The following MTCL2 variants were observed in gnomAD, a reference collection of about 807,000 sequenced individuals.
The protein encoded by MTCL2 is microtubule cross-linking factor 2.
the MTCL2 span, chr20:36,808,464 C>A: frequency 6.6e-7 from 1 of 1,508,350 alleles, no homozygotes; most frequent in Non-Finnish European, 9.0e-7. Flanking sequence ...TTCCCTGTCC[C>A]TCTCTCCCCA....
chr20:36,856,820 T>C, the MTCL2 span, among the ~76,000 whole-genome samples: 1 of 152,248 alleles, frequency 6.6e-6, no homozygotes, highest in East Asian at 1.9e-4. Flanking sequence ...TGTTTCTGTG[T>C]GTGGATGAAA....
chr20:36,794,193 C>G, the MTCL2 span: 1 of 1,547,634 alleles, frequency 6.5e-7, no homozygotes. The surrounding 1 kb of genome is among the most constrained non-coding windows in gnomAD (Gnocchi z 5.4). Context: ...GAGCTCTCAG[C>G]CAGCCCATCA....
chr20:36,830,302 C>T, the MTCL2 span, among the ~76,000 whole-genome samples: 1 of 152,132 alleles, frequency 6.6e-6, no homozygotes, highest in Non-Finnish European at 1.5e-5. Flanking sequence ...CACGGTAGCT[C>T]ACACCTGGAA....
At chr20:36,808,388 G>T in the MTCL2 span, 2 of 741,844 alleles carry the variant, frequency 2.7e-6, no homozygotes, top group Non-Finnish European at 2.2e-6. Flanking sequence ...AATGCAGGAA[G>T]GAAGCCTGCA....
the MTCL2 span, among the ~76,000 whole-genome samples, chr20:36,821,743 G>A: frequency 6.6e-6 from 1 of 151,996 alleles, no homozygotes; most frequent in African/African-American, 2.4e-5. Context: ...GCATATTCAC[G>A]TTTACATTTA....
At chr20:36,793,644 G>A in the MTCL2 span, 1 of 1,551,074 alleles carries the variant, frequency 6.4e-7, no homozygotes, top group Non-Finnish European at 8.7e-7. This position sits in a 1 kb window ranked among gnomAD's most constrained non-coding sequence, Gnocchi z 6.8. Flanking sequence ...GGGCTGTCCC[G>A]CGTGGTGGTG....
At chr20:36,826,019 T>C in the MTCL2 span, among the ~76,000 whole-genome samples, 1 of 151,182 alleles carries the variant, frequency 6.6e-6, no homozygotes, top group Admixed American at 6.6e-5. Flanking sequence ...TTTTTTTTTT[T>C]TCTTTGAGAC....
At chr20:36,827,141 C>T in the MTCL2 span, among the ~76,000 whole-genome samples, 33 of 151,786 alleles carry the variant, frequency 2.2e-4, 1 homozygote, top group Non-Finnish European at 4.3e-4. Flanking sequence ...CTCCACCTCC[C>T]AGGTTCAAGA....
At chr20:36,814,107 CCT>C in the MTCL2 span, among the ~76,000 whole-genome samples, 1 of 152,166 alleles carries the variant, frequency 6.6e-6, no homozygotes, top group African/African-American at 2.4e-5. Flanking sequence ...CCTTCAGATT[CCT>C]CTCTCAGTGT....
At chr20:36,796,242 G>T in the MTCL2 span, among the ~76,000 whole-genome samples, 13 of 152,250 alleles carry the variant, frequency 8.5e-5, no homozygotes, top group Non-Finnish European at 1.5e-4. Context: ...TCAAGAGGCA[G>T]CTCCTATCAT....
chr20:36,862,643 C>T, the MTCL2 span: 1 of 1,490,408 alleles, frequency 6.7e-7, no homozygotes, highest in Non-Finnish European at 8.9e-7. Context: ...TCCCTTTCTA[C>T]CCGGGCGCCC....
At chr20:36,832,410 T>TG in the MTCL2 span, among the ~76,000 whole-genome samples, 3 of 152,210 alleles carry the variant, frequency 2.0e-5, no homozygotes. Flanking sequence ...CTGGATCCTC[T>TG]GGGGTTCATG....
At chr20:36,816,466 G>C in the MTCL2 span, among the ~76,000 whole-genome samples, 1 of 151,998 alleles carries the variant, frequency 6.6e-6, no homozygotes, top group Non-Finnish European at 1.5e-5. Flanking sequence ...ACGCAGAGGG[G>C]TAGATGTTGA....
chr20:36,849,570 G>A, the MTCL2 span, among the ~76,000 whole-genome samples: 2 of 152,120 alleles, frequency 1.3e-5, no homozygotes, highest in South Asian at 4.1e-4. Flanking sequence ...GAGTAGCTGG[G>A]ACTACTGGCA....
At chr20:36,863,187 C>G in the MTCL2 span, 4 of 1,248,610 alleles carry the variant, frequency 3.2e-6, no homozygotes, top group Admixed American at 8.5e-5. The surrounding 1 kb of genome is among the most constrained non-coding windows in gnomAD (Gnocchi z 6.2). Flanking sequence ...CGGGCCTGGG[C>G]CGCGGCGGCC....
At chr20:36,861,338 C>T in the MTCL2 span, among the ~76,000 whole-genome samples, 1 of 152,186 alleles carries the variant, frequency 6.6e-6, no homozygotes, top group African/African-American at 2.4e-5. Context: ...AGACATCCTC[C>T]CATTTAACGG....
the MTCL2 span, among the ~76,000 whole-genome samples, chr20:36,838,087 G>A: frequency 1.4e-5 from 2 of 148,052 alleles, no homozygotes; most frequent in Admixed American, 6.7e-5. Flanking sequence ...TCGCTCTGTC[G>A]CCCAGGCTGG....
At chr20:36,817,536 T>C in the MTCL2 span, 1 of 1,449,754 alleles carries the variant, frequency 6.9e-7, no homozygotes, top group Non-Finnish European at 9.2e-7. Context: ...ATGATGCACA[T>C]GCAGAGAGCT....
the MTCL2 span, among the ~76,000 whole-genome samples, chr20:36,845,371 T>G: frequency 1.3e-5 from 2 of 152,396 alleles, no homozygotes; most frequent in East Asian, 1.9e-4. Context: ...AGTTCTCACA[T>G]GAGCAGCTGT....
Sources: gnomAD v4.1 joint callset for allele counts (sites outside exome capture counted in the v4.1 genomes callset) on GRCh38, gnomAD v4.1.1 for gene constraint, Gnocchi (gnomAD v3.1) non-coding constraint, MANE v1.5 for transcripts, NCBI Gene and HGNC (gene_info 2026-07-23, HGNC 2026-07-21) for gene names.